Variants in DROSHA observed in about 807,000 individuals in gnomAD.
DROSHA encodes ribonuclease 3.
DROSHA carries 56 observed loss-of-function variants against 181.9 expected under a neutral mutation model. The ratio of observed to expected loss-of-function variants is 0.31; its 90% CI spans 0.25 to 0.38. DROSHA has a LOEUF of 0.38. Among genes scored for constraint, DROSHA ranks in the 10% least tolerant of loss-of-function variants. The pLI, the probability that DROSHA is intolerant of heterozygous loss-of-function variation, is 1.00. For synonymous variants in DROSHA, 524 were observed against 591.2 expected, an observed-to-expected ratio of 0.89 and a Z score of 1.65; for missense variants, 1,218 against 1,743.5, an observed-to-expected ratio of 0.70 and a Z score of 5.37.
At chr5:31,482,239 T>C (rs1751110412) in intron 16 of DROSHA, among the ~76,000 whole-genome samples, 1 of 152,178 alleles carries the variant, frequency 6.6e-6, no homozygotes, top group Admixed American at 6.5e-5. Context: ...TACTCTTCAG[T>C]ATTACTGAGT....
At chr5:31,408,476 A>G (rs1214512170) in intron 33 of DROSHA, among the ~76,000 whole-genome samples, 1 of 152,186 alleles carries the variant, frequency 6.6e-6, no homozygotes, top group Admixed American at 6.5e-5. Flanking sequence ...CAAAACGGGT[A>G]TTAAGTGGTG....
intron 27 of DROSHA, among the ~76,000 whole-genome samples, chr5:31,425,980 C>T (rs1403875929): frequency 6.6e-6 from 1 of 152,122 alleles, no homozygotes; most frequent in Non-Finnish European, 1.5e-5. Flanking sequence ...ATGATGACAA[C>T]AACAACAATG....
At chr5:31,502,131 G>A (rs78393591) in intron 11 of DROSHA, among the ~76,000 whole-genome samples, 681 of 152,372 alleles carry the variant, frequency 4.5e-3, no homozygotes, top group African/African-American at 0.015. Context: ...GCAAAAGAAT[G>A]CACATTTAGA....
chr5:31,425,586 A>G (rs913071757), intron 27 of DROSHA, among the ~76,000 whole-genome samples: 1 of 152,060 alleles, frequency 6.6e-6, no homozygotes, highest in Non-Finnish European at 1.5e-5. Flanking sequence ...GAATTCCACT[A>G]TTTCCAGTGC....
intron 11 of DROSHA, 69 bp downstream of exon 11, chr5:31,504,486 G>A: frequency 3.3e-6 from 5 of 1,506,972 alleles, no homozygotes; most frequent in Non-Finnish European, 3.7e-6. Flanking sequence ...ATGGGGGAAA[G>A]AACAGCAACA....
At chr5:31,484,199 G>A (rs532001171) in intron 15 of DROSHA, among the ~76,000 whole-genome samples, 196 of 151,886 alleles carry the variant, frequency 1.3e-3, no homozygotes, top group African/African-American at 4.5e-3. Flanking sequence ...GAGAAATCCC[G>A]TCTCTACTAA....
Position 31,526,655 on chromosome 5 carries a change from A to G in DROSHA, c.278T>C (p.Leu93Pro), listed in dbSNP as rs2150064351. The stretch of plus-strand genomic sequence containing the variant: ...AGGCGGCCTGATTGGGCAGGGGGGA[A>G]GAGGGCCTTGCGCTGACGGAGGCAT... Reference protein sequence around the residue: ...PPMPPSAQGPLPPCPIRPPFP... With the variant: ...PPMPPSAQGPPPPCPIRPPFP... The change falls in exon 5 of 36, where the codon CTT (leucine) becomes CCT (proline). Residue 93 changes from leucine to proline, a missense_variant. This residue lies in a region of DROSHA where 536 missense variants were observed against 535.4 expected (regional missense o/e 1.00). Coordinates refer to ENST00000344624, the MANE Select transcript of DROSHA (RefSeq NM_001382508.1). 1.4e-6 allele frequency: 2 copies of G among 1,380,040 alleles called. No individual in the cohort carries two copies. Among genetic ancestry groups the G allele is most frequent in the East Asian group, 5.6e-5 (2 of 35,630 alleles). The allele number at this position is 1,380,040 out of a possible 1,614,324, so 85.5% of individuals were successfully genotyped here.
At chr5:31,511,949 A>T (rs966050345) in intron 8 of DROSHA, among the ~76,000 whole-genome samples, 7 of 150,814 alleles carry the variant, frequency 4.6e-5, no homozygotes, top group African/African-American at 9.8e-5. Flanking sequence ...ACACACACAC[A>T]CTCTCATGCC....
intron 11 of DROSHA, among the ~76,000 whole-genome samples, chr5:31,496,770 A>G (rs932631324): frequency 1.3e-5 from 2 of 152,226 alleles, no homozygotes; most frequent in African/African-American, 4.8e-5. Flanking sequence ...GGAGATAGCT[A>G]CCGACTGTTA....
At position 31,408,982 on chromosome 5, in the gene DROSHA, T is replaced by TC. The variant is rs1228779296; in HGVS notation, c.3854+73dup. ...TCATGATCACCCCACAATGACTCAT[T>TC]CTTCAAGGCACATGGAAAGTCAATT... On this transcript the variant is annotated intron_variant, in intron 33 of 35. Transcript: ENST00000344624. 5.8e-6 allele frequency: 8 copies of TC among 1,379,764 alleles called. No homozygotes were observed. The African/African-American group carries it at 1.1e-4, about 20-fold the overall frequency. The allele number at this position is 1,379,764 out of a possible 1,614,324, so 85.5% of individuals were successfully genotyped here.
intron 18 of DROSHA, chr5:31,467,685 T>C: frequency 4.8e-6 from 1 of 210,056 alleles, no homozygotes; most frequent in Non-Finnish European, 9.3e-6. Flanking sequence ...TTTAAAAACA[T>C]ACAAGGACTT....
At position 31,521,167 on chromosome 5, in the gene DROSHA, T is replaced by C; in HGVS notation, c.903A>G (p.Pro301=). 1.9e-6 allele frequency: 3 copies of C among 1,613,760 alleles called. No individual in the cohort carries two copies. Among genetic ancestry groups the C allele is most frequent in the Non-Finnish European group, 2.5e-6 (3 of 1,179,676 alleles). ...CTTTTTTGTAGGACCTTTCCAGAGA[T>C]GGTGATCTTCGGTTGTCTCGATGCC... The part of the protein sequence containing the change: ...RHRHRDNRRS[P]SLERSYKKEY... Residue 301 remains proline (P), a synonymous_variant, in exon 6 of 36, where the codon CCA becomes CCG. Coordinates refer to ENST00000344624, the MANE Select transcript of DROSHA (RefSeq NM_001382508.1).
At chr5:31,435,908 C>T in intron 24 of DROSHA, 44 bp from the exon 25 acceptor site, 1 of 1,576,066 alleles carries the variant, frequency 6.3e-7, no homozygotes, top group Non-Finnish European at 8.7e-7. Flanking sequence ...TGCATCACGA[C>T]ATTCTGTCTG....
Position 31,418,007 on chromosome 5 carries a change from G to A in DROSHA, c.3525+3265C>T, listed in dbSNP as rs141862211. Among the ~76,000 whole-genome samples the A allele has an allele frequency of 7.6e-3, 1,157 of 152,248 alleles. 12 individuals carry two copies. Among genetic ancestry groups the A allele is most frequent in the Admixed American group, 0.012 (185 of 15,292 alleles). Reference sequence around the variant, plus strand: ...CATCTCTCAGAGTTCAAAAATGCCCGTAAGAACAGCAAAGGCAGGCTTTTC... The same window carrying A: ...CATCTCTCAGAGTTCAAAAATGCCCATAAGAACAGCAAAGGCAGGCTTTTC... On this transcript the variant is annotated intron_variant, in intron 30 of 35. Coordinates refer to ENST00000344624, the MANE Select transcript of DROSHA (RefSeq NM_001382508.1).
intron 25 of DROSHA, among the ~76,000 whole-genome samples, chr5:31,434,986 A>C (rs1561154184): frequency 6.6e-6 from 1 of 152,224 alleles, no homozygotes; most frequent in Non-Finnish European, 1.5e-5. Flanking sequence ...AAAACTCATA[A>C]TCTCATTTAA....
chr5:31,501,524 A>C (rs4867344), intron 11 of DROSHA, among the ~76,000 whole-genome samples: 148,618 of 151,976 alleles, frequency 0.98, 72,689 homozygotes, highest in East Asian at 1. Flanking sequence ...TGGAAGAGGT[A>C]AGTGCCACCC....
chr5:31,467,445 A>C (rs1038530987), intron 18 of DROSHA: 1 of 152,136 alleles, frequency 6.6e-6, no homozygotes, highest in African/African-American at 2.4e-5. Flanking sequence ...AAAAATCAAA[A>C]CGTGGAAAGT....
intron 33 of DROSHA, among the ~76,000 whole-genome samples, chr5:31,407,244 T>C (rs1235806619): frequency 6.6e-6 from 1 of 152,182 alleles, no homozygotes; most frequent in African/African-American, 2.4e-5. Flanking sequence ...TTTCAAAGAA[T>C]TTCTAAGTGT....
At chr5:31,443,884 C>A (rs1745949998) in intron 23 of DROSHA, among the ~76,000 whole-genome samples, 1 of 152,140 alleles carries the variant, frequency 6.6e-6, no homozygotes, top group South Asian at 2.1e-4. Flanking sequence ...TACTTATTTA[C>A]TGAGTACCTG....
Sources: allele counts gnomAD v4.1 joint callset (sites outside exome capture counted in the v4.1 genomes callset), GRCh38; gene constraint gnomAD v4.1.1; regional missense constraint gnomAD v4.1.1; transcripts MANE v1.5; gene names NCBI Gene and HGNC (gene_info 2026-07-23, HGNC 2026-07-21).